RALGAPA1: variants seen among roughly 807,000 people sequenced by gnomAD.
RALGAPA1 encodes ral GTPase-activating protein subunit alpha-1.
In RALGAPA1, 52 loss-of-function variants were observed where a neutral mutation model predicts 269.6. The ratio of observed to expected loss-of-function variants is 0.19; its 90% CI spans 0.15 to 0.24. RALGAPA1 has a LOEUF of 0.24. Ranked by LOEUF, RALGAPA1 falls within the 10% of genes least tolerant of loss-of-function variation. RALGAPA1 has a pLI of 1.00. For missense variants in RALGAPA1, 1,917 were observed against 3,013.9 expected, an observed-to-expected ratio of 0.64 and a Z score of 8.52; for synonymous variants, 817 against 1,008.3, an observed-to-expected ratio of 0.81 and a Z score of 3.60.
chr14:35,618,154 C>T (rs2060380044), intron 35 of RALGAPA1, among the ~76,000 whole-genome samples: 1 of 152,026 alleles, frequency 6.6e-6, no homozygotes, highest in East Asian at 1.9e-4. Flanking sequence ...TGGGTATAAC[C>T]TCAATTCTAA....
intron 37 of RALGAPA1, among the ~76,000 whole-genome samples, chr14:35,573,195 T>C (rs1225893186): frequency 6.6e-6 from 1 of 152,214 alleles, no homozygotes; most frequent in Non-Finnish European, 1.5e-5. Flanking sequence ...AAGACGTTAT[T>C]TAAATGTTTG....
At chr14:35,618,170 T>C (rs913019169) in intron 35 of RALGAPA1, among the ~76,000 whole-genome samples, 1 of 152,092 alleles carries the variant, frequency 6.6e-6, no homozygotes, top group African/African-American at 2.4e-5. Flanking sequence ...TCTAAAAACA[T>C]AACAGGAACA....
At chr14:35,583,242 T>C (rs1051231304) in intron 37 of RALGAPA1, among the ~76,000 whole-genome samples, 8 of 152,152 alleles carry the variant, frequency 5.3e-5, no homozygotes, top group Non-Finnish European at 1.2e-4. Context: ...ACAATGTATG[T>C]AGAGAGATGG....
chr14:35,695,395 G>C (rs2066822586), intron 17 of RALGAPA1, among the ~76,000 whole-genome samples: 1 of 152,092 alleles, frequency 6.6e-6, no homozygotes, highest in Admixed American at 6.5e-5. Context: ...TCTCCTTATT[G>C]GGCAGAATTT....
Position 35,572,629 on chromosome 14 carries a change from A to C in RALGAPA1, c.7299T>G (p.Gly2433=), listed in dbSNP as rs1286533265. 2.5e-6 allele frequency: 4 copies of C among 1,611,406 alleles called. No individual in the cohort carries two copies. Among genetic ancestry groups the C allele is most frequent in the Non-Finnish European group, 3.4e-6 (4 of 1,178,448 alleles). ...TTGGATATATTACAATAAGGACATCACCAAATTCTGTGGGAATAATTCCTC... is the reference window on the plus strand; with the variant it reads ...TTGGATATATTACAATAAGGACATCCCCAAATTCTGTGGGAATAATTCCTC... ...YRRGIIPTEF[G]DVLIVIYPMK... is the part of the protein sequence containing the mutation. The change falls in exon 38 of 42, where the codon GGT becomes GGG. Residue 2433 remains glycine, a synonymous_variant. Transcript: ENST00000680220.
rs977723682 is a variant in RALGAPA1, at chr14:35,752,641, T to A, written c.664-479A>T. ...CTGAGAGGAGTGAGGAGGGTGTCCA[T>A]GAAGTGGAAGAAGTGAGGACAGAAA... On this transcript the variant is annotated intron_variant, in intron 7 of 41. Coordinates refer to ENST00000680220, the MANE Select transcript of RALGAPA1 (RefSeq NM_001346249.2). Among the ~76,000 whole-genome samples the A allele has an allele frequency of 3.9e-5, 6 of 151,902 alleles. No homozygotes were observed. The East Asian group carries it at 9.7e-4, about 24-fold the overall frequency.
intron 35 of RALGAPA1, among the ~76,000 whole-genome samples, chr14:35,615,242 A>C (rs1296463880): frequency 2.6e-5 from 4 of 152,220 alleles, no homozygotes; most frequent in African/African-American, 4.8e-5. Flanking sequence ...AGTTTTAAGC[A>C]TTTCTAAATC....
At chr14:35,796,946 C>T (rs192536475) in intron 1 of RALGAPA1, among the ~76,000 whole-genome samples, 1 of 152,138 alleles carries the variant, frequency 6.6e-6, no homozygotes, top group East Asian at 2.0e-4. Context: ...TGCCACCACA[C>T]CGGGTTAATT....
At chr14:35,795,230 A>G (rs755731752) in intron 1 of RALGAPA1, among the ~76,000 whole-genome samples, 9 of 152,152 alleles carry the variant, frequency 5.9e-5, no homozygotes, top group Non-Finnish European at 1.2e-4. Flanking sequence ...AAGCAAATCC[A>G]GGTGGACCCA....
At chr14:35,711,650 A>T (rs2068353091) in intron 16 of RALGAPA1, among the ~76,000 whole-genome samples, 1 of 152,058 alleles carries the variant, frequency 6.6e-6, no homozygotes, top group African/African-American at 2.4e-5. Flanking sequence ...GAGTTTCACC[A>T]TGTTACGTAG....
At chr14:35,735,362 T>G (rs1014296416) in intron 12 of RALGAPA1, among the ~76,000 whole-genome samples, 1 of 152,148 alleles carries the variant, frequency 6.6e-6, no homozygotes, top group African/African-American at 2.4e-5. Context: ...ATATAGACAA[T>G]GGAATACTAT....
chr14:35,620,002 A>C (rs1490958938), intron 35 of RALGAPA1, among the ~76,000 whole-genome samples: 2 of 152,276 alleles, frequency 1.3e-5, no homozygotes, highest in African/African-American at 2.4e-5. Flanking sequence ...AAAAGAGGGA[A>C]TCCTCCCTAA....
intron 21 of RALGAPA1, among the ~76,000 whole-genome samples, chr14:35,680,405 T>C (rs1468882682): frequency 6.6e-6 from 1 of 150,680 alleles, no homozygotes; most frequent in Non-Finnish European, 1.5e-5. Flanking sequence ...GAGGGAAGTT[T>C]CACTGTGTTG....
chr14:35,608,997 C>T (rs552724611), intron 35 of RALGAPA1, among the ~76,000 whole-genome samples: 1 of 152,100 alleles, frequency 6.6e-6, no homozygotes, highest in African/African-American at 2.4e-5. Context: ...GAGGCTGAGG[C>T]GGGTGGATCA....
At chr14:35,722,490 G>A (rs2140963231) in intron 15 of RALGAPA1, among the ~76,000 whole-genome samples, 1 of 152,076 alleles carries the variant, frequency 6.6e-6, no homozygotes, top group Middle Eastern at 3.4e-3. Flanking sequence ...ATGGTGGCCT[G>A]TAGTCCCAGC....
chr14:35,599,925 T>C lies in RALGAPA1; in HGVS notation c.7054-4136A>G, dbSNP rs75085789. ...GGATGCTTTCAAGAATTTTTGTCTT[T>C]AGCTTTCAGAAATTAAATTATGATG... On this transcript the variant is annotated intron_variant, in intron 36 of 41. Transcript: ENST00000680220. Among the ~76,000 whole-genome samples the C allele has an allele frequency of 5.2e-3, 791 of 152,290 alleles. 10 individuals carry two copies. Among genetic ancestry groups the C allele is most frequent in the African/African-American group, 0.018 (737 of 41,550 alleles).
At chr14:35,754,909 A>G (rs1369418448) in intron 7 of RALGAPA1, among the ~76,000 whole-genome samples, 3 of 148,912 alleles carry the variant, frequency 2.0e-5, no homozygotes, top group Non-Finnish European at 3.0e-5. Flanking sequence ...AATCAAACAG[A>G]AAACAAAGCA....
chr14:35,613,414 T>A (rs2060074545), intron 35 of RALGAPA1, among the ~76,000 whole-genome samples: 1 of 152,216 alleles, frequency 6.6e-6, no homozygotes, highest in South Asian at 2.1e-4. Context: ...GGCAAAGACG[T>A]TTATATTATT....
intron 21 of RALGAPA1, among the ~76,000 whole-genome samples, chr14:35,679,836 A>G (rs1222884443): frequency 6.6e-6 from 1 of 152,224 alleles, no homozygotes; most frequent in Non-Finnish European, 1.5e-5. Flanking sequence ...TGTTATCACA[A>G]TAATCATATA....
Sources: allele counts gnomAD v4.1 joint callset (sites outside exome capture counted in the v4.1 genomes callset), GRCh38; gene constraint gnomAD v4.1.1; transcripts MANE v1.5; gene names NCBI Gene and HGNC (gene_info 2026-07-23, HGNC 2026-07-21).